Variants in HACD4 observed in about 807,000 individuals in gnomAD.
HACD4 encodes 3-hydroxyacyl-CoA dehydratase 4.
A neutral mutation model predicts 33.3 loss-of-function variants in HACD4; 35 were observed. The observed-to-expected ratio is 1.05, with a 90% CI of 0.80 to 1.39. The LOEUF (loss-of-function observed/expected upper bound fraction) is 1.39, where lower values mean the gene tolerates loss of function less well. Among genes scored for constraint, HACD4 ranks in the 40% most tolerant of loss-of-function variants. The pLI is 0.00. For missense variants in HACD4, 323 were observed against 276.5 expected (o/e 1.17, Z -1.19); for synonymous variants, 118 against 98.0 (o/e 1.20, Z -1.21).
intron 3 of HACD4, among the ~76,000 whole-genome samples, chr9:21,023,499 T>C (rs1817981455): frequency 6.6e-6 from 1 of 152,126 alleles, no homozygotes; most frequent in African/African-American, 2.4e-5. Context: ...GTTCCTACTG[T>C]TGGTTGGAAT....
chr9:21,020,169 G>A (rs28636434), intron 3 of HACD4, among the ~76,000 whole-genome samples: 32,934 of 151,908 alleles, frequency 0.22, 4,064 homozygotes, highest in Middle Eastern at 0.32. Context: ...TTAGTGTTTT[G>A]GTTGAGAAAT....
At position 21,013,623 on chromosome 9, in the gene HACD4, TC is replaced by T. The variant is rs1188307720; in HGVS notation, c.384-1929del. ...TTGCCATCTGAACAATATTAAGTCT[TC>T]CAAGTCATGTGGGATGTCCTTTCAT... On this transcript the variant is annotated intron_variant, in intron 4 of 6. Coordinates refer to ENST00000495827, the MANE Select transcript of HACD4 (RefSeq NM_001010915.5). Among the ~76,000 whole-genome samples the T allele has an allele frequency of 2.0e-5, 3 of 152,224 alleles. No homozygotes were observed. The East Asian group carries it at 5.8e-4, about 29-fold the overall frequency.
chr9:21,022,402 GGTACAGCAAAAGA>G (rs1396400793), intron 3 of HACD4, among the ~76,000 whole-genome samples: 2 of 151,990 alleles, frequency 1.3e-5, no homozygotes, highest in Admixed American at 6.6e-5. Flanking sequence ...AAAAAGCTCC[GGTACAGCAAAAGA>G]AACTACCATC....
rs146169720 is a variant in HACD4 at position 21,010,911 on chromosome 9, T to G, written c.490+678A>C. On this transcript the variant is annotated intron_variant, in intron 5 of 6. Transcript: ENST00000495827. ...TCCAATAAGAATCTGATGCCTCCAC[T>G]GATCTGACAGGAGGTAGAGCTCAGG... 3.6e-4 allele frequency among the ~76,000 whole-genome samples: 55 copies of G among 152,286 alleles called. 1 individual carries two copies. The highest frequency in any genetic ancestry group is 1.3e-3 in the African/African-American group (53 of 41,564).
chr9:21,020,529 G>A (rs1451287879), intron 3 of HACD4, among the ~76,000 whole-genome samples: 1 of 152,122 alleles, frequency 6.6e-6, no homozygotes, highest in Non-Finnish European at 1.5e-5. Context: ...TACTATAAAA[G>A]TCAAGTTGTT....
At chr9:21,021,783 T>C (rs7019096) in intron 3 of HACD4, among the ~76,000 whole-genome samples, 92,059 of 151,782 alleles carry the variant, frequency 0.61, 28,556 homozygotes, top group South Asian at 0.69. Flanking sequence ...AGAATCAATA[T>C]CGTGAAAATG....
At position 21,001,957 on chromosome 9, in the gene HACD4, A is replaced by G. The variant is rs1276525036; in HGVS notation, c.*5080T>C. ...AATAAGGATCTCAGTAAAGAAAAAT[A>G]CATGGGCAATTATAAAATCTAGTAC... On this transcript the variant is annotated 3_prime_UTR_variant, in exon 7 of 7. Transcript: ENST00000495827. 1 of 152,172 alleles carries G rather than the reference A, an allele frequency of 6.6e-6. No individual in the cohort carries two copies. The highest frequency in any genetic ancestry group is 2.4e-5 in the African/African-American group (1 of 41,462). 9.4% of individuals were successfully genotyped at this position (152,172 alleles called of 1,614,324 possible).
At chr9:21,009,459 T>A (rs1190246075) in intron 5 of HACD4, among the ~76,000 whole-genome samples, 1 of 152,294 alleles carries the variant, frequency 6.6e-6, no homozygotes, top group East Asian at 1.9e-4. Context: ...TGCAAAAGTT[T>A]CCTATACATT....
chr9:21,002,635 A>G lies in HACD4; in HGVS notation c.*4402T>C, dbSNP rs7847535. The G allele has an allele frequency of 0.25, 38,163 of 152,058 alleles. 5,169 individuals are homozygous for G. The highest frequency in any genetic ancestry group is 0.36 in the Middle Eastern group (105 of 294). The allele number at this position is 152,058 out of a possible 1,614,324, so 9.4% of individuals were successfully genotyped here. A position where few individuals can be genotyped will look rare whatever the true frequency, so the allele number is the denominator to read the frequency against. On this transcript the variant is annotated 3_prime_UTR_variant, in exon 7 of 7. Coordinates refer to ENST00000495827, the MANE Select transcript of HACD4 (RefSeq NM_001010915.5). ...GGTAAAAAAAGTTCTGGAGATGGACAGTGGTGATGGTTGCACAATATAAAT... is the reference window on the plus strand; with the variant it reads ...GGTAAAAAAAGTTCTGGAGATGGACGGTGGTGATGGTTGCACAATATAAAT...
At chr9:21,031,465 C>A in intron 1 of HACD4, 88 bp downstream of exon 1, 1 of 1,346,622 alleles carries the variant, frequency 7.4e-7, no homozygotes, top group South Asian at 1.8e-5. Flanking sequence ...CGGGGGGTGC[C>A]GCCCGCCCGC....
chr9:21,026,433 G>A (rs566813436), intron 3 of HACD4, among the ~76,000 whole-genome samples, 163 bp downstream of exon 3: 6 of 152,288 alleles, frequency 3.9e-5, no homozygotes, highest in Middle Eastern at 3.4e-3. Flanking sequence ...TATTCTAACT[G>A]GGCAGTTTTA....
In HACD4 at chr9:21,026,684, A is replaced by G; in HGVS notation, c.182T>C (p.Met61Thr). 1 of 1,613,666 alleles carries G rather than the reference A, an allele frequency of 6.2e-7. No homozygotes were observed. The highest frequency in any genetic ancestry group is 8.5e-7 in the Non-Finnish European group (1 of 1,179,530). ...VDTFYAIGLV[M>T]RLCQSVSLLE... ...GAGAGATACGGATTGGCAAAGTCGC[A>G]TCACAAGTCCAATAGCATAAAAAGT... The change falls in exon 3 of 7, where the codon ATG becomes ACG. Residue 61 changes from methionine to threonine, a missense_variant. By Grantham distance (81) the Met-to-Thr change is moderately conservative. Transcript: ENST00000495827.
intron 3 of HACD4, among the ~76,000 whole-genome samples, chr9:21,025,505 A>C (rs1050517391): frequency 1.3e-5 from 2 of 152,158 alleles, no homozygotes; most frequent in Non-Finnish European, 2.9e-5. Context: ...TCAATTTTTC[A>C]AATTTATTTT....
intron 3 of HACD4, among the ~76,000 whole-genome samples, chr9:21,021,711 T>C (rs889060071): frequency 5.9e-5 from 9 of 152,200 alleles, no homozygotes; most frequent in African/African-American, 2.2e-4. Flanking sequence ...TACAAACCAC[T>C]GCTCAACGAA....
At position 21,001,182 on chromosome 9, in the gene HACD4, G is replaced by A. The variant is rs1326192093; in HGVS notation, c.*5855C>T. 2 of 151,886 alleles carry A rather than the reference G, an allele frequency of 1.3e-5. No individual in the cohort carries two copies. Among genetic ancestry groups the A allele is most frequent in the African/African-American group, 4.8e-5 (2 of 41,372 alleles). 9.4% of individuals were successfully genotyped at this position (151,886 alleles called of 1,614,324 possible). ...AGGATGTTTTTTAAAGAACCAAAGAGCATGCGGAAAAAGTCAAAAAACCAA... is the reference window on the plus strand; with the variant it reads ...AGGATGTTTTTTAAAGAACCAAAGAACATGCGGAAAAAGTCAAAAAACCAA... On this transcript the variant is annotated 3_prime_UTR_variant, in exon 7 of 7. Coordinates refer to ENST00000495827, the MANE Select transcript of HACD4 (RefSeq NM_001010915.5).
chr9:21,020,430 A>G (rs1051070790), intron 3 of HACD4, among the ~76,000 whole-genome samples: 2 of 152,170 alleles, frequency 1.3e-5, no homozygotes, highest in Non-Finnish European at 2.9e-5. Flanking sequence ...CTAAAGCAGC[A>G]TGAATAAAAA....
Position 21,007,882 on chromosome 9 carries a change from C to G in HACD4, c.616+139G>C, listed in dbSNP as rs920533673. The G allele has an allele frequency of 4.7e-6, 3 of 643,068 alleles. No homozygotes were observed. The South Asian group carries it at 1.1e-4, about 24-fold the overall frequency. 39.8% of individuals were successfully genotyped at this position (643,068 alleles called of 1,614,324 possible). A position where few individuals can be genotyped will look rare whatever the true frequency, so the allele number is the denominator to read the frequency against. ...AGCATTATAACCTCCAGGGGCTTTA[C>G]TAGCAAGATCTAGTTCATGATGTCA... On this transcript the variant is annotated intron_variant, in intron 6 of 6. Transcript: ENST00000495827.
chr9:21,026,543 G>A, intron 3 of HACD4, 53 bp downstream of exon 3: 2 of 1,477,514 alleles, frequency 1.4e-6, no homozygotes, highest in South Asian at 2.5e-5. Flanking sequence ...GCTTTAAAGA[G>A]AAAAAATGTA....
Position 21,011,665 on chromosome 9 carries a change from T to C in HACD4, c.414A>G (p.Gly138=), listed in dbSNP as rs1842441059. The change falls in exon 5 of 7, where the codon GGA becomes GGG. Residue 138 remains glycine, a synonymous_variant. Coordinates refer to ENST00000495827, the MANE Select transcript of HACD4 (RefSeq NM_001010915.5). ...RYTYSMLSVI[G]ISYAVLTWLS... ...GCCATGTCAAGACAGCATAGGATAT[T>C]CCTATGACTGATAACATGCTATAAG... The C allele has an allele frequency of 6.2e-7, 1 of 1,607,506 alleles. No individual in the cohort carries two copies. Among genetic ancestry groups the C allele is most frequent in the Admixed American group, 1.7e-5 (1 of 59,814 alleles).
Sources: gnomAD v4.1 joint callset for allele counts (sites outside exome capture counted in the v4.1 genomes callset) on GRCh38, gnomAD v4.1.1 for gene constraint, MANE v1.5 for transcripts, NCBI Gene and HGNC (gene_info 2026-07-23, HGNC 2026-07-21) for gene names.